Variants in MED12L observed in about 807,000 individuals in gnomAD.
The protein encoded by MED12L is mediator of RNA polymerase II transcription subunit 12-like protein.
In MED12L, 60 loss-of-function variants were observed where a neutral mutation model predicts 281.3. The observed-to-expected ratio is 0.21, with a 90% CI of 0.17 to 0.26. The LOEUF is 0.26. MED12L is among the 10% of genes least tolerant of loss of function. The pLI is 1.00. For missense variants in MED12L, 2,146 were observed against 2,680.9 expected (o/e 0.80, Z 4.41); for synonymous variants, 974 against 987.2 (o/e 0.99, Z 0.25).
chr3:151,131,172 A>G (rs1715338136), intron 5 of MED12L, among the ~76,000 whole-genome samples: 1 of 152,210 alleles, frequency 6.6e-6, no homozygotes, highest in African/African-American at 2.4e-5. Flanking sequence ...CTCTTAATAT[A>G]TATTTTTTTG....
At chr3:151,314,893 C>G (rs541799652) in intron 16 of MED12L, among the ~76,000 whole-genome samples, 1 of 152,314 alleles carries the variant, frequency 6.6e-6, no homozygotes, top group East Asian at 1.9e-4. Context: ...CTAAGTCACA[C>G]TGATAATATT....
chr3:151,129,326 A>G (rs773084837), intron 5 of MED12L, among the ~76,000 whole-genome samples: 11 of 152,200 alleles, frequency 7.2e-5, no homozygotes, highest in Non-Finnish European at 1.5e-4. Flanking sequence ...GTTCAGCATC[A>G]TCCTATACGT....
chr3:151,418,063 A>G (rs191432859), intron 43 of MED12L, among the ~76,000 whole-genome samples: 2 of 152,298 alleles, frequency 1.3e-5, no homozygotes, highest in East Asian at 3.9e-4. Context: ...AATAATTTCA[A>G]ATGACAGAAA....
chr3:151,290,345 TC>T (rs1744080300), intron 16 of MED12L, among the ~76,000 whole-genome samples: 6 of 152,032 alleles, frequency 3.9e-5, no homozygotes, highest in Non-Finnish European at 8.8e-5. Flanking sequence ...TTTTTTTAAA[TC>T]ATTTTTATAA....
rs78875619 is a variant in MED12L, at chr3:151,157,249, T to A, written c.726+919T>A. Among the ~76,000 whole-genome samples the A allele has an allele frequency of 1.1e-4, 16 of 152,060 alleles. 1 individual carries two copies. The South Asian group carries it at 3.1e-3, about 30-fold the overall frequency. ...ATTGAAATTAGAATTTTTTTTTTTT[T>A]AAGAAAGCAGTTAGGTCCTAAAGGA... On this transcript the variant is annotated intron_variant, in intron 6 of 44. Transcript: ENST00000687756.
chr3:151,235,284 A>T (rs1264281318), intron 16 of MED12L, among the ~76,000 whole-genome samples: 1 of 152,176 alleles, frequency 6.6e-6, no homozygotes, highest in Non-Finnish European at 1.5e-5. Flanking sequence ...TTGTAAACTG[A>T]TGGGGGCAGG....
chr3:151,224,822 T>C (rs1331753354), intron 16 of MED12L, among the ~76,000 whole-genome samples: 1 of 152,190 alleles, frequency 6.6e-6, no homozygotes, highest in Non-Finnish European at 1.5e-5. Flanking sequence ...ATATCATTGA[T>C]TTCCCCTTAT....
At chr3:151,375,815 T>C (rs1007175377) in intron 27 of MED12L, among the ~76,000 whole-genome samples, 10 of 152,272 alleles carry the variant, frequency 6.6e-5, no homozygotes, top group Admixed American at 4.6e-4. Context: ...AAAAAATGTT[T>C]TTAAGCAAGT....
rs16863370 is a variant in MED12L at position 151,413,378 on chromosome 3, A to G, written c.6297+83A>G. On this transcript the variant is annotated intron_variant, in intron 42 of 44. Transcript: ENST00000687756. ...ACAGTCATAAAAAATGAAAAACACTATAGTTGTCAATTGCCAGATTCCAAG... is the reference window on the plus strand; with the variant it reads ...ACAGTCATAAAAAATGAAAAACACTGTAGTTGTCAATTGCCAGATTCCAAG... 1,308 of 1,456,132 alleles carry G rather than the reference A, an allele frequency of 9.0e-4. 11 individuals are homozygous for G. The African/African-American group carries it at 0.015, about 17-fold the overall frequency. 90.2% of individuals were successfully genotyped at this position (1,456,132 alleles called of 1,614,324 possible).
At chr3:151,348,680 T>C (rs1338835689) in intron 16 of MED12L, among the ~76,000 whole-genome samples, 2 of 151,898 alleles carry the variant, frequency 1.3e-5, no homozygotes, top group African/African-American at 4.8e-5. Context: ...TTTCTTGTAA[T>C]GTATAATAAA....
chr3:151,121,660 A>G (rs1576771530), intron 3 of MED12L, among the ~76,000 whole-genome samples: 1 of 152,298 alleles, frequency 6.6e-6, no homozygotes, highest in Admixed American at 6.5e-5. Context: ...ATGCTTTGAT[A>G]GGATTCTTGA....
chr3:151,242,716 C>A (rs1364760130), intron 16 of MED12L, among the ~76,000 whole-genome samples: 1 of 152,214 alleles, frequency 6.6e-6, no homozygotes, highest in African/African-American at 2.4e-5. Flanking sequence ...CGCCTCTCCT[C>A]CTCCAAAGGA....
intron 16 of MED12L, among the ~76,000 whole-genome samples, chr3:151,272,638 G>A (rs1200038626): frequency 6.6e-6 from 1 of 152,204 alleles, no homozygotes; most frequent in Non-Finnish European, 1.5e-5. Context: ...AAAATATTGA[G>A]TACACAACCA....
At chr3:151,390,509 A>G (rs2108223848) in intron 38 of MED12L, among the ~76,000 whole-genome samples, 1 of 152,346 alleles carries the variant, frequency 6.6e-6, no homozygotes, top group South Asian at 2.1e-4. Flanking sequence ...GTTCTGAATT[A>G]TCATGACAGC....
At chr3:151,256,026 T>C (rs1737749984) in intron 16 of MED12L, among the ~76,000 whole-genome samples, 1 of 152,202 alleles carries the variant, frequency 6.6e-6, no homozygotes, top group Admixed American at 6.5e-5. Context: ...GGCTAATTGT[T>C]CCTTTACAAT....
At chr3:151,141,187 G>GTTTTTTTTTTTTGTTTTTT (rs1716943585) in intron 5 of MED12L, among the ~76,000 whole-genome samples, 1 of 99,108 alleles carries the variant, frequency 1.0e-5, no homozygotes, top group African/African-American at 4.8e-5. Context: ...TGTTTTTTTT[G>GTTTTTTTTTTTTGTTTTTT]TTTTTTTTTT....
chr3:151,333,178 G>C (rs1346220417), intron 16 of MED12L, among the ~76,000 whole-genome samples: 1 of 152,140 alleles, frequency 6.6e-6, no homozygotes, highest in Non-Finnish European at 1.5e-5. Context: ...CTGTGTCTTT[G>C]CTTTTGTGAA....
intron 16 of MED12L, chr3:151,203,105 T>TG (rs1725872818): frequency 6.6e-6 from 1 of 152,200 alleles, no homozygotes; most frequent in South Asian, 2.1e-4. Flanking sequence ...AAGACATACC[T>TG]GGGGCTATCT....
At chr3:151,095,802 G>A (rs1174985694) in intron 2 of MED12L, among the ~76,000 whole-genome samples, 2 of 151,994 alleles carry the variant, frequency 1.3e-5, no homozygotes, top group Non-Finnish European at 2.9e-5. Context: ...GCTACTCTGG[G>A]GACTGAGGTG....
Sources: gnomAD v4.1 joint callset for allele counts (sites outside exome capture counted in the v4.1 genomes callset) on GRCh38, gnomAD v4.1.1 for gene constraint, MANE v1.5 for transcripts, NCBI Gene and HGNC (gene_info 2026-07-23, HGNC 2026-07-21) for gene names.